The following NME7 variants were observed in gnomAD, a reference collection of about 807,000 sequenced individuals.
NME7 encodes NME/NM23 family member 7, also known as nucleoside diphosphate kinase 7.
A neutral mutation model predicts 49.1 loss-of-function variants in NME7; 41 were observed. The observed-to-expected ratio is 0.83, with a 90% CI of 0.65 to 1.08. The LOEUF is 1.08. Ranked by LOEUF, NME7 falls within the 50% of genes least tolerant of loss-of-function variation. The pLI is 0.00. For missense variants in NME7, 423 were observed against 463.4 expected (o/e 0.91, Z 0.80); for synonymous variants, 139 against 150.6 (o/e 0.92, Z 0.56).
chr1:169,270,861 G>C (rs1649468462), intron 7 of NME7, among the ~76,000 whole-genome samples: 1 of 133,740 alleles, frequency 7.5e-6, no homozygotes, highest in African/African-American at 2.5e-5. Context: ...GTAAGTGGCA[G>C]AGCCAGAATT....
rs532330682 is a variant in NME7 at position 169,186,315 on chromosome 1, C to CA, written c.991-16762dup. ...ATTGCAGGCTCTAGACACTATTTTG[C>CA]AACTTATTTGGACAGGCTTCATAGG... On this transcript the variant is annotated intron_variant, in intron 10 of 11. Transcript: ENST00000367811. Among the ~76,000 whole-genome samples, 290 of 152,130 alleles carry CA rather than the reference C, an allele frequency of 1.9e-3. 1 individual carries two copies. Among genetic ancestry groups the CA allele is most frequent in the Middle Eastern group, 0.014 (4 of 294 alleles).
intron 10 of NME7, among the ~76,000 whole-genome samples, chr1:169,208,279 T>C (rs1660725484): frequency 6.6e-6 from 1 of 152,196 alleles, no homozygotes; most frequent in African/African-American, 2.4e-5. Flanking sequence ...AAAGGTGTCT[T>C]GTTCATGTTT....
At chr1:169,319,234 C>T (rs1558037203) in intron 3 of NME7, among the ~76,000 whole-genome samples, 1 of 152,024 alleles carries the variant, frequency 6.6e-6, no homozygotes, top group Non-Finnish European at 1.5e-5. Context: ...TTTCTTCAAA[C>T]ATATATCTGA....
In NME7 at chr1:169,263,895, G is replaced by A. The variant is rs930619709; in HGVS notation, c.754+23408C>T. Among the ~76,000 whole-genome samples, 5 of 133,182 alleles carry A rather than the reference G, an allele frequency of 3.8e-5. 1 individual carries two copies. Among genetic ancestry groups the A allele is most frequent in the African/African-American group, 1.3e-4 (5 of 39,452 alleles). 87.4% of individuals were successfully genotyped at this position (133,182 alleles called of 152,430 possible). ...AAGAGAAGCCCATCAGAATAATAGTGTACCTATCAGCAGAAACCCTACAAG... is the reference window on the plus strand; with the variant it reads ...AAGAGAAGCCCATCAGAATAATAGTATACCTATCAGCAGAAACCCTACAAG... On this transcript the variant is annotated intron_variant, in intron 7 of 11. Transcript: ENST00000367811.
chr1:169,312,599 C>G (rs1181174402), intron 3 of NME7, among the ~76,000 whole-genome samples: 1 of 152,174 alleles, frequency 6.6e-6, no homozygotes, highest in Non-Finnish European at 1.5e-5. Context: ...TTCACGAACC[C>G]AGAATATAGA....
At chr1:169,232,374 T>C (rs1424750858) in intron 9 of NME7, among the ~76,000 whole-genome samples, 1 of 151,526 alleles carries the variant, frequency 6.6e-6, no homozygotes, top group Non-Finnish European at 1.5e-5. Flanking sequence ...GAAGAAAAGG[T>C]GATAAACATA....
chr1:169,312,991 G>A (rs1651457384), intron 3 of NME7, among the ~76,000 whole-genome samples: 1 of 152,170 alleles, frequency 6.6e-6, no homozygotes, highest in African/African-American at 2.4e-5. Context: ...CAAGCATAAA[G>A]TGTATATCTG....
In NME7 at chr1:169,263,824, G is replaced by A. The variant is rs762544387; in HGVS notation, c.754+23479C>T. On this transcript the variant is annotated intron_variant, in intron 7 of 11. Coordinates refer to ENST00000367811, the MANE Select transcript of NME7 (RefSeq NM_013330.5). The stretch of plus-strand genomic sequence containing the variant: ...CAAATTTTCCAAGTTCAAAATGAAA[G>A]AAAAAATGTTAAAAGCAGCTAGAGA... Among the ~76,000 whole-genome samples, 2 of 131,798 alleles carry A rather than the reference G, an allele frequency of 1.5e-5. 1 individual carries two copies. Among genetic ancestry groups the A allele is most frequent in the African/African-American group, 5.1e-5 (2 of 39,140 alleles). The allele number at this position is 131,798 out of a possible 152,430, so 86.5% of individuals were successfully genotyped here. A position where few individuals can be genotyped will look rare whatever the true frequency, so the allele number is the denominator to read the frequency against.
chr1:169,194,286 A>C (rs1274834782), intron 10 of NME7, among the ~76,000 whole-genome samples: 1 of 152,166 alleles, frequency 6.6e-6, no homozygotes, highest in East Asian at 1.9e-4. Context: ...AGGGCGACAT[A>C]GTTCTGTTTA....
chr1:169,216,401 G>C (rs1216225305), intron 10 of NME7, among the ~76,000 whole-genome samples: 1 of 152,200 alleles, frequency 6.6e-6, no homozygotes, highest in Non-Finnish European at 1.5e-5. Flanking sequence ...AAAGGACAGG[G>C]TTCAGAGAGC....
intron 1 of NME7, among the ~76,000 whole-genome samples, chr1:169,333,639 A>G (rs1273586515): frequency 6.6e-6 from 1 of 152,044 alleles, no homozygotes; most frequent in Non-Finnish European, 1.5e-5. Context: ...ACCCATAAAC[A>G]TTTAATATTT....
intron 7 of NME7, among the ~76,000 whole-genome samples, chr1:169,255,007 G>T (rs1648855902): frequency 1.5e-5 from 2 of 134,444 alleles, no homozygotes; most frequent in Admixed American, 7.3e-5. Context: ...TTTGGAATAG[G>T]TGTGGTGTGG....
chr1:169,268,623 A>G (rs2101871400), intron 7 of NME7, among the ~76,000 whole-genome samples: 1 of 133,848 alleles, frequency 7.5e-6, no homozygotes, highest in Middle Eastern at 3.8e-3. Context: ...AAAAAATGAG[A>G]TCATGTCCTT....
At chr1:169,177,876 G>A (rs1002001111) in intron 10 of NME7, among the ~76,000 whole-genome samples, 1 of 151,680 alleles carries the variant, frequency 6.6e-6, no homozygotes, top group Non-Finnish European at 1.5e-5. Flanking sequence ...TAGCTCTGTC[G>A]CCCAGGCTGG....
chr1:169,178,582 A>AC (rs754717929), intron 10 of NME7, among the ~76,000 whole-genome samples: 9 of 152,084 alleles, frequency 5.9e-5, no homozygotes, highest in Non-Finnish European at 1.3e-4. Flanking sequence ...GTAAATAGCT[A>AC]CTTCCTTGAA....
rs1470989398 is a variant in NME7 at position 169,320,579 on chromosome 1, A to G, written c.278+2538T>C. 2.0e-5 allele frequency among the ~76,000 whole-genome samples: 3 copies of G among 152,328 alleles called. No individual in the cohort carries two copies. In the East Asian group the frequency reaches 5.8e-4, roughly 29 times the overall value. On this transcript the variant is annotated intron_variant, in intron 3 of 11. Coordinates refer to ENST00000367811, the MANE Select transcript of NME7 (RefSeq NM_013330.5). ...GTGGAACGCTGATAGACATACACACATATTTCCATATGCTTACTTTTTGCC... is the reference window on the plus strand; with the variant it reads ...GTGGAACGCTGATAGACATACACACGTATTTCCATATGCTTACTTTTTGCC...
intron 1 of NME7, among the ~76,000 whole-genome samples, chr1:169,344,239 T>G (rs765477136): frequency 6.6e-5 from 10 of 152,180 alleles, no homozygotes; most frequent in Non-Finnish European, 1.2e-4. Context: ...AATCAATTGG[T>G]CTTGTATTCT....
chr1:169,304,456 A>T lies in NME7; in HGVS notation c.390-1261T>A, dbSNP rs185969880. Among the ~76,000 whole-genome samples the T allele has an allele frequency of 2.3e-3, 349 of 152,340 alleles. 1 individual carries two copies. Among genetic ancestry groups the T allele is most frequent in the African/African-American group, 8.1e-3 (336 of 41,592 alleles). The stretch of plus-strand genomic sequence containing the variant: ...AAAATGAATTTACATAACAAGTTAT[A>T]TCACGCATACTCTCATTCTAACCAA... On this transcript the variant is annotated intron_variant, in intron 4 of 11. Coordinates refer to ENST00000367811, the MANE Select transcript of NME7 (RefSeq NM_013330.5).
intron 5 of NME7, among the ~76,000 whole-genome samples, chr1:169,301,650 A>G (rs1248237883): frequency 6.6e-6 from 1 of 152,192 alleles, no homozygotes; most frequent in Non-Finnish European, 1.5e-5. Context: ...TCACAATAGC[A>G]AATACATGGA....
Sources: gnomAD v4.1 joint callset for allele counts (sites outside exome capture counted in the v4.1 genomes callset) on GRCh38, gnomAD v4.1.1 for gene constraint, MANE v1.5 for transcripts, NCBI Gene and HGNC (gene_info 2026-07-23, HGNC 2026-07-21) for gene names.